EXOC2: variants seen among roughly 807,000 people sequenced by gnomAD.
EXOC2 encodes SEC5-like 1.
EXOC2 carries 70 observed loss-of-function variants against 131.8 expected under a neutral mutation model. The observed-to-expected ratio is 0.53, with a 90% CI of 0.44 to 0.65. EXOC2 has a LOEUF of 0.65. Among genes scored for constraint, EXOC2 ranks in the 30% least tolerant of loss-of-function variants. EXOC2 has a pLI of 0.00. For synonymous variants in EXOC2, 411 were observed against 398.4 expected (o/e 1.03, Z -0.38); for missense variants, 923 against 1,108.6 (o/e 0.83, Z 2.38).
In EXOC2 at chr6:610,146, C is replaced by T; in HGVS notation, c.694G>A (p.Glu232Lys). 6.2e-7 allele frequency: 1 copy of T among 1,613,956 alleles called. No individual in the cohort carries two copies. The highest frequency in any genetic ancestry group is 8.5e-7 in the Non-Finnish European group (1 of 1,179,956). ...IHQKLEADGT[E>K]KVEGSMTQKL... ...TGCGTCATGGATCCTTCTACTTTTT[C>T]CGTTCCATCTGCTTCTAGTTTTTGA... The change falls in exon 7 of 28, where the codon GAA (glutamate) becomes AAA (lysine). Residue 232 changes from glutamate (E) to lysine (K), a missense_variant. Coordinates refer to ENST00000230449, the MANE Select transcript of EXOC2 (RefSeq NM_018303.6).
chr6:599,725 T>A lies in EXOC2; in HGVS notation c.743-500A>T, dbSNP rs149303581. On this transcript the variant is annotated intron_variant, in intron 7 of 27. Coordinates refer to ENST00000230449, the MANE Select transcript of EXOC2 (RefSeq NM_018303.6). ...AAACAAATTCTATTCCTTGGCAGAATTACCTCTACGTAGCAGGCAAAGAAA... is the reference window on the plus strand; with the variant it reads ...AAACAAATTCTATTCCTTGGCAGAAATACCTCTACGTAGCAGGCAAAGAAA... 1.2e-4 allele frequency among the ~76,000 whole-genome samples: 18 copies of A among 152,316 alleles called. No homozygotes were observed. The East Asian group carries it at 2.5e-3, about 21-fold the overall frequency.
chr6:593,461 T>C (rs1407969731), intron 10 of EXOC2, among the ~76,000 whole-genome samples: 2 of 152,236 alleles, frequency 1.3e-5, no homozygotes, highest in African/African-American at 2.4e-5. Flanking sequence ...AAATATAGTA[T>C]AGTTCGGTGT....
chr6:522,136 G>A (rs1443202091), intron 23 of EXOC2, among the ~76,000 whole-genome samples: 4 of 152,244 alleles, frequency 2.6e-5, no homozygotes, highest in Non-Finnish European at 5.9e-5. Flanking sequence ...ATACAGAGAG[G>A]AGACACAAGC....
intron 1 of EXOC2, chr6:656,419 C>T (rs1763093245): frequency 1.9e-6 from 3 of 1,614,034 alleles, no homozygotes; most frequent in East Asian, 2.2e-5. Context: ...ACGTGACTGC[C>T]CACGTTCGCC....
intron 4 of EXOC2, 44 bp from the exon 5 acceptor site, chr6:619,587 G>A: frequency 7.4e-7 from 1 of 1,354,372 alleles, no homozygotes; most frequent in Non-Finnish European, 1.1e-6. Context: ...TGGTTATTAT[G>A]ACAAAAATGG....
intron 19 of EXOC2, 56 bp from the exon 20 acceptor site, chr6:555,344 T>C (rs1283440986): frequency 1.6e-5 from 18 of 1,149,574 alleles, no homozygotes; most frequent in Non-Finnish European, 2.0e-5. Flanking sequence ...TAGACATTAA[T>C]CTATTTGGAC....
At chr6:599,525 T>C (rs567707010) in intron 7 of EXOC2, among the ~76,000 whole-genome samples, 2 of 152,306 alleles carry the variant, frequency 1.3e-5, no homozygotes, top group South Asian at 4.1e-4. Context: ...TGTATAGCAA[T>C]TATGGGCCCT....
intron 11 of EXOC2, among the ~76,000 whole-genome samples, chr6:586,840 T>C (rs1015834513): frequency 6.6e-6 from 1 of 152,192 alleles, no homozygotes; most frequent in Non-Finnish European, 1.5e-5. Context: ...CACCCACTAG[T>C]CCCACCCCTA....
intron 22 of EXOC2, among the ~76,000 whole-genome samples, chr6:543,556 G>T (rs1163461246): frequency 2.0e-5 from 3 of 152,168 alleles, no homozygotes; most frequent in African/African-American, 7.2e-5. Context: ...AGTGTTAAAA[G>T]ATTTTTAATG....
rs1375698331 is a variant in EXOC2 at position 532,657 on chromosome 6, G to A, written c.2239-47C>T. The A allele has an allele frequency of 2.2e-6, 3 of 1,371,232 alleles. No individual in the cohort carries two copies. In the East Asian group the frequency reaches 8.2e-5, roughly 37 times the overall value. 84.9% of individuals were successfully genotyped at this position (1,371,232 alleles called of 1,614,324 possible). On this transcript the variant is annotated intron_variant, in intron 22 of 27. Transcript: ENST00000230449. ...TATGAGTTGCCTATTTGAGGGTGAT[G>A]GAAAAAGTAAAATAATGTTAACAAT...
intron 1 of EXOC2, among the ~76,000 whole-genome samples, chr6:654,712 G>A (rs990616375): frequency 4.8e-5 from 7 of 145,946 alleles, no homozygotes; most frequent in Non-Finnish European, 1.1e-4. Context: ...GCTGTGGCAG[G>A]AGGATCGTTT....
At chr6:665,875 A>G (rs1763622648) in intron 1 of EXOC2, among the ~76,000 whole-genome samples, 1 of 152,202 alleles carries the variant, frequency 6.6e-6, no homozygotes, top group Non-Finnish European at 1.5e-5. Context: ...ACAAGTCACC[A>G]CTAAGAACTT....
In EXOC2 at chr6:656,847, C is replaced by T. The variant is rs372072865; in HGVS notation, c.-43-18986G>A. 8.1e-5 allele frequency: 130 copies of T among 1,610,686 alleles called. No individual in the cohort carries two copies. Among genetic ancestry groups the T allele is most frequent in the Non-Finnish European group, 1.1e-4 (124 of 1,178,056 alleles). On this transcript the variant is annotated intron_variant, in intron 1 of 27. Transcript: ENST00000230449. Reference sequence around the variant, plus strand: ...GAAGCACAGGCTGTCAGGGCGCACGCGGAGCACGCAGACCTTCGCTAGCCT... The same window carrying T: ...GAAGCACAGGCTGTCAGGGCGCACGTGGAGCACGCAGACCTTCGCTAGCCT...
chr6:671,366 A>G (rs1439701704), intron 1 of EXOC2, among the ~76,000 whole-genome samples: 4 of 151,908 alleles, frequency 2.6e-5, no homozygotes, highest in African/African-American at 9.7e-5. Flanking sequence ...AAAAAAAACA[A>G]AAAAAGAAAA....
At chr6:491,374 C>T (rs925209277) in intron 25 of EXOC2, among the ~76,000 whole-genome samples, 188 bp from the exon 26 acceptor site, 1 of 152,212 alleles carries the variant, frequency 6.6e-6, no homozygotes, top group African/African-American at 2.4e-5. Context: ...ACAAAATGTT[C>T]GTTGACTGAA....
At chr6:641,741 A>T (rs773402338) in intron 1 of EXOC2, among the ~76,000 whole-genome samples, 1 of 152,044 alleles carries the variant, frequency 6.6e-6, no homozygotes, top group Non-Finnish European at 1.5e-5. Flanking sequence ...AAAATCAACT[A>T]TTCCTCTCAA....
chr6:504,381 T>C lies in EXOC2; in HGVS notation c.2381-4681A>G, dbSNP rs375832721. Among the ~76,000 whole-genome samples, 4 of 152,092 alleles carry C rather than the reference T, an allele frequency of 2.6e-5. No homozygotes were observed. In the East Asian group the frequency reaches 5.8e-4, roughly 22 times the overall value. The stretch of plus-strand genomic sequence containing the variant: ...ATGGCAGAACGATGTGTGGGATGAG[T>C]TTCAAAGGACCTCAGTTGTGGCTCC... On this transcript the variant is annotated intron_variant, in intron 23 of 27. Coordinates refer to ENST00000230449, the MANE Select transcript of EXOC2 (RefSeq NM_018303.6).
intron 4 of EXOC2, among the ~76,000 whole-genome samples, chr6:622,453 C>T (rs1253813774): frequency 6.6e-6 from 1 of 152,182 alleles, no homozygotes; most frequent in Non-Finnish European, 1.5e-5. Context: ...TGCGCTGTGC[C>T]TCGGTGTTTC....
At chr6:568,719 C>T (rs192551251) in intron 13 of EXOC2, among the ~76,000 whole-genome samples, 37 of 152,246 alleles carry the variant, frequency 2.4e-4, no homozygotes, top group African/African-American at 8.9e-4. Flanking sequence ...TACCTGATAC[C>T]AAACTTTGTA....
Sources: gnomAD v4.1 joint callset for allele counts (sites outside exome capture counted in the v4.1 genomes callset) on GRCh38, gnomAD v4.1.1 for gene constraint, MANE v1.5 for transcripts, NCBI Gene and HGNC (gene_info 2026-07-23, HGNC 2026-07-21) for gene names.